SLA: variants seen among roughly 807,000 people sequenced by gnomAD.
The protein encoded by SLA is src-like-adapter.
Under a neutral mutation model 30.3 loss-of-function variants are expected in SLA, and 16 were observed. The ratio of observed to expected loss-of-function variants is 0.53; its 90% confidence interval spans 0.36 to 0.80. SLA has a LOEUF of 0.80. SLA is among the 30% of genes least tolerant of loss of function. The pLI, the probability that SLA is intolerant of heterozygous loss-of-function variation, is 0.01. For missense variants in SLA, 310 were observed against 345.2 expected, an observed-to-expected ratio of 0.90 and a Z score of 0.81; for synonymous variants, 143 against 137.8, an observed-to-expected ratio of 1.04 and a Z score of -0.26.
At chr8:133,093,166 C>T (rs1315193904) in intron 1 of SLA, among the ~76,000 whole-genome samples, 2 of 141,778 alleles carry the variant, frequency 1.4e-5, no homozygotes, top group Non-Finnish European at 2.9e-5. Flanking sequence ...TAAAGTACAT[C>T]CAATGGTTCT....
chr8:133,051,707 G>A (rs531807145), intron 3 of SLA, among the ~76,000 whole-genome samples: 2 of 152,286 alleles, frequency 1.3e-5, no homozygotes, highest in East Asian at 1.9e-4. Flanking sequence ...TGAGCGATAC[G>A]TCTGCTTCTA....
chr8:133,050,708 C>T, intron 4 of SLA, 108 bp downstream of exon 4: 3 of 750,466 alleles, frequency 4.0e-6, no homozygotes, highest in South Asian at 1.6e-5. Context: ...ATAATAGGAC[C>T]AGGACTCATG....
At chr8:133,065,569 C>T (rs1842923988) in intron 2 of SLA, among the ~76,000 whole-genome samples, 1 of 152,160 alleles carries the variant, frequency 6.6e-6, no homozygotes, top group South Asian at 2.1e-4. Context: ...CAAGACCAGC[C>T]TGGCCAACAT....
intron 1 of SLA, among the ~76,000 whole-genome samples, chr8:133,092,056 C>G (rs1847636689): frequency 6.6e-6 from 1 of 152,206 alleles, no homozygotes; most frequent in South Asian, 2.1e-4. Context: ...TAAAACAAAG[C>G]AAGTCTCCTG....
At chr8:133,075,756 C>T (rs1433237722) in intron 1 of SLA, among the ~76,000 whole-genome samples, 1 of 151,978 alleles carries the variant, frequency 6.6e-6, no homozygotes, top group Non-Finnish European at 1.5e-5. Flanking sequence ...ATCATTGTGG[C>T]ACCAACCTAA....
At chr8:133,059,604 C>G (rs1457363647) in intron 3 of SLA, among the ~76,000 whole-genome samples, 1 of 151,964 alleles carries the variant, frequency 6.6e-6, no homozygotes, top group Non-Finnish European at 1.5e-5. Flanking sequence ...ATAAGGTTTC[C>G]TTTGTTTTCA....
intron 3 of SLA, among the ~76,000 whole-genome samples, chr8:133,052,421 A>G (rs2702970): frequency 0.06 from 9,131 of 152,278 alleles, 840 homozygotes; most frequent in East Asian, 0.43. Flanking sequence ...TGGCTTTACA[A>G]TATGGAAAGG....
chr8:133,061,749 C>T (rs1336898401), intron 2 of SLA, among the ~76,000 whole-genome samples: 1 of 152,182 alleles, frequency 6.6e-6, no homozygotes, highest in Non-Finnish European at 1.5e-5. Context: ...GTCAGCCCAT[C>T]CAACTCCCAC....
Position 133,037,335 on chromosome 8 carries a change from T to G in SLA, c.*1189A>C, listed in dbSNP as rs971394868. ...ATTAATCCACTTGGACTCCCCATCT[T>G]TCCTGGAGCTGAGCATTTTTCCTCA... is the stretch of plus-strand genomic sequence containing the variant. On this transcript the variant is annotated 3_prime_UTR_variant, in exon 9 of 9. Transcript: ENST00000338087. 1.3e-5 allele frequency: 2 copies of G among 152,232 alleles called. No homozygotes were observed. Among genetic ancestry groups the G allele is most frequent in the African/African-American group, 4.8e-5 (2 of 41,462 alleles). The allele number at this position is 152,232 out of a possible 1,614,324, so 9.4% of individuals were successfully genotyped here. A position where few individuals can be genotyped will look rare whatever the true frequency, so the allele number is the denominator to read the frequency against.
chr8:133,057,416 A>C (rs1841646572), intron 3 of SLA, among the ~76,000 whole-genome samples: 1 of 152,248 alleles, frequency 6.6e-6, no homozygotes, highest in Non-Finnish European at 1.5e-5. Flanking sequence ...CAGAACTACC[A>C]GTTTCACCAC....
At chr8:133,047,708 C>T (rs1839699745) in intron 6 of SLA, 122 bp downstream of exon 6, 2 of 722,028 alleles carry the variant, frequency 2.8e-6, no homozygotes, top group Non-Finnish European at 5.1e-6. Context: ...GGGAGCTTAA[C>T]TACATTGGAT....
At chr8:133,082,089 A>T (rs1394149563) in intron 1 of SLA, among the ~76,000 whole-genome samples, 1 of 152,226 alleles carries the variant, frequency 6.6e-6, no homozygotes, top group Non-Finnish European at 1.5e-5. Context: ...CAGACAAAAG[A>T]CAAAGTCTTC....
chr8:133,084,030 A>C lies in SLA; in HGVS notation c.-318-8900T>G, dbSNP rs77712550. 2.6e-5 allele frequency among the ~76,000 whole-genome samples: 4 copies of C among 152,224 alleles called. No homozygotes were observed. In the East Asian group the frequency reaches 7.7e-4, roughly 29 times the overall value. On this transcript the variant is annotated intron_variant, in intron 1 of 8. Coordinates refer to ENST00000338087, the MANE Select transcript of SLA (RefSeq NM_001045556.3). Reference sequence around the variant, plus strand: ...CTATGCCATTCCCTCTCCTGTGCTCATGAGGCCATTCCCACCCACCAGCAT... The same window carrying C: ...CTATGCCATTCCCTCTCCTGTGCTCCTGAGGCCATTCCCACCCACCAGCAT...
rs1839748072 is a variant in SLA, at chr8:133,047,888, C to T, written c.294G>A (p.Leu98=). 1.2e-6 allele frequency: 2 copies of T among 1,613,270 alleles called. No individual in the cohort carries two copies. Among genetic ancestry groups the T allele is most frequent in the Non-Finnish European group, 1.7e-6 (2 of 1,179,574 alleles). The change falls in exon 6 of 9, where the codon CTG becomes CTA. Residue 98 remains leucine, a synonymous_variant. Transcript: ENST00000338087. ...GLGRDKAEEL[L]QLPDTKVGSF... ...AGCCGACCTTTGTGTCTGGCAGCTG[C>T]AGCAGCTCCTCGGCCTTGTCTCTGC...
intron 1 of SLA, among the ~76,000 whole-genome samples, chr8:133,086,558 A>G (rs1846594807): frequency 6.6e-6 from 1 of 152,228 alleles, no homozygotes; most frequent in Admixed American, 6.5e-5. Context: ...GATGAAAAAA[A>G]ACTATACCTT....
At chr8:133,075,454 GA>G (rs1844722311) in intron 1 of SLA, among the ~76,000 whole-genome samples, 2 of 152,034 alleles carry the variant, frequency 1.3e-5, no homozygotes, top group South Asian at 4.1e-4. Context: ...TGCGTCAAGG[GA>G]AAAAAACTAG....
chr8:133,058,064 G>A (rs1224738065), intron 3 of SLA, among the ~76,000 whole-genome samples: 5 of 152,212 alleles, frequency 3.3e-5, no homozygotes, highest in African/African-American at 9.6e-5. Flanking sequence ...AACCGGATGA[G>A]CAGCCATAGG....
At chr8:133,039,787 C>T (rs570648374) in intron 8 of SLA, among the ~76,000 whole-genome samples, 11 of 152,196 alleles carry the variant, frequency 7.2e-5, no homozygotes, top group Non-Finnish European at 1.3e-4. Context: ...CTGCCACACA[C>T]CTCGTGAGGC....
chr8:133,097,546 A>G (rs918531137), intron 1 of SLA, among the ~76,000 whole-genome samples: 2 of 152,258 alleles, frequency 1.3e-5, no homozygotes, highest in Non-Finnish European at 2.9e-5. Context: ...CACATTGTAA[A>G]ATGACAAAAA....
Sources: allele counts gnomAD v4.1 joint callset (sites outside exome capture counted in the v4.1 genomes callset), GRCh38; gene constraint gnomAD v4.1.1; transcripts MANE v1.5; gene names NCBI Gene and HGNC (gene_info 2026-07-23, HGNC 2026-07-21).